FAM184B: variants seen among roughly 807,000 people sequenced by gnomAD.
The protein encoded by FAM184B is family with sequence similarity 184 member B, also known as protein FAM184B.
In FAM184B, 111 loss-of-function variants were observed where a neutral mutation model predicts 135.9. The observed-to-expected ratio is 0.82, with a 90% CI of 0.70 to 0.96. FAM184B has a LOEUF of 0.96. Among genes scored for constraint, FAM184B ranks in the 40% least tolerant of loss-of-function variants. The probability of loss-of-function intolerance (pLI) is 0.00; values close to 1 mark genes in which losing one functional copy is unlikely to be tolerated. For synonymous variants in FAM184B, 552 were observed against 524.8 expected, an observed-to-expected ratio of 1.05 and a Z score of -0.71; for missense variants, 1,375 against 1,323.9, an observed-to-expected ratio of 1.04 and a Z score of -0.60.
chr4:17,674,834 T>A (rs1390051963), intron 7 of FAM184B, among the ~76,000 whole-genome samples: 1 of 152,206 alleles, frequency 6.6e-6, no homozygotes, highest in Non-Finnish European at 1.5e-5. Context: ...TCCATTGAAG[T>A]TCTATCATGA....
At chr4:17,643,754 G>C (rs529500802) in intron 12 of FAM184B, among the ~76,000 whole-genome samples, 2 of 152,278 alleles carry the variant, frequency 1.3e-5, no homozygotes, top group East Asian at 1.9e-4. Context: ...CATGTCCCCC[G>C]GTCCTTCAGC....
rs370230362 is a variant in FAM184B, at chr4:17,631,585, C to T, written c.*947G>A. 3 of 151,840 alleles carry T rather than the reference C, an allele frequency of 2.0e-5. No homozygotes were observed. The highest frequency in any genetic ancestry group is 2.0e-4 in the Admixed American group (3 of 15,274). 9.4% of individuals were successfully genotyped at this position (151,840 alleles called of 1,614,324 possible). A position where few individuals can be genotyped will look rare whatever the true frequency, so the allele number is the denominator to read the frequency against. ...TAGGATTGGTTATTTACAGAAAAAC[C>T]TTGTGGTACTTAATTCCAATTCATG... On this transcript the variant is annotated 3_prime_UTR_variant, in exon 18 of 18. Coordinates refer to ENST00000265018, the MANE Select transcript of FAM184B (RefSeq NM_015688.2).
chr4:17,653,935 A>AGGGGGGGGGGGGAGGGGGAGGGGGG (rs1715714222), intron 10 of FAM184B, among the ~76,000 whole-genome samples: 1 of 145,474 alleles, frequency 6.9e-6, no homozygotes, highest in Non-Finnish European at 1.5e-5. Flanking sequence ...GGGGAGGGGG[A>AGGGGGGGGGGGGAGGGGGAGGGGGG]TTTGAAGCTG....
intron 6 of FAM184B, among the ~76,000 whole-genome samples, chr4:17,690,696 A>C (rs10939749): frequency 0.6 from 90,915 of 152,042 alleles, 27,792 homozygotes; most frequent in East Asian, 0.87. Context: ...GGTTTATGAA[A>C]TATTCAGAGG....
intron 1 of FAM184B, among the ~76,000 whole-genome samples, chr4:17,754,486 G>A (rs905557051): frequency 4.6e-5 from 7 of 151,484 alleles, no homozygotes; most frequent in African/African-American, 1.7e-4. Context: ...GGGAGGCGGA[G>A]GTTGAAGTGA....
At position 17,652,795 on chromosome 4, in the gene FAM184B, G is replaced by T. The variant is rs1715660457; in HGVS notation, c.2191+35C>A. On this transcript the variant is annotated intron_variant, in intron 11 of 17. Coordinates refer to ENST00000265018, the MANE Select transcript of FAM184B (RefSeq NM_015688.2). ...TTTCTACATGCAGACCCTGCAGTTGGCCAGGCCCTCCTCAGTACACTATTG... is the reference window on the plus strand; with the variant it reads ...TTTCTACATGCAGACCCTGCAGTTGTCCAGGCCCTCCTCAGTACACTATTG... 4 of 1,528,666 alleles carry T rather than the reference G, an allele frequency of 2.6e-6. No homozygotes were observed. In the African/African-American group the frequency reaches 5.5e-5, roughly 21 times the overall value. The allele number at this position is 1,528,666 out of a possible 1,614,324, so 94.7% of individuals were successfully genotyped here. A position where few individuals can be genotyped will look rare whatever the true frequency, so the allele number is the denominator to read the frequency against.
At chr4:17,732,707 C>G (rs1490902570) in intron 1 of FAM184B, among the ~76,000 whole-genome samples, 2 of 151,932 alleles carry the variant, frequency 1.3e-5, no homozygotes, top group South Asian at 2.1e-4. Context: ...GCTTACCAAC[C>G]AAAAAAAGTC....
chr4:17,685,141 T>C (rs1716548611), intron 7 of FAM184B, among the ~76,000 whole-genome samples: 2 of 147,144 alleles, frequency 1.4e-5, no homozygotes. Context: ...CAAACCACCA[T>C]GGCACATGTT....
chr4:17,678,184 G>C (rs1716358630), intron 7 of FAM184B, among the ~76,000 whole-genome samples: 1 of 152,110 alleles, frequency 6.6e-6, no homozygotes, highest in African/African-American at 2.4e-5. Flanking sequence ...AATCAGACAA[G>C]AGAAAGAAAT....
In FAM184B at chr4:17,705,173, T is replaced by A; in HGVS notation, c.1204A>T (p.Met402Leu). The A allele has an allele frequency of 6.4e-7, 1 of 1,551,880 alleles. No homozygotes were observed. ...KKEASAETEY[M>L]KQQYEEDLRK... ...AGGTCTTCTTCATATTGTTGCTTCA[T>A]ATATTCTGTCTCAGCACTTGCCTCT... The change falls in exon 5 of 18, where the codon ATG becomes TTG. Residue 402 changes from methionine to leucine, a missense_variant. Physicochemically the swap from Met to Leu is conservative, Grantham distance 15. Transcript: ENST00000265018.
chr4:17,775,357 T>G (rs1178526573), intron 1 of FAM184B, among the ~76,000 whole-genome samples: 1 of 152,062 alleles, frequency 6.6e-6, no homozygotes, highest in South Asian at 2.1e-4. Flanking sequence ...AGCTAATTTT[T>G]TGTATTTTTA....
At chr4:17,744,551 A>G (rs145072476) in intron 1 of FAM184B, among the ~76,000 whole-genome samples, 1 of 151,150 alleles carries the variant, frequency 6.6e-6, no homozygotes, top group Non-Finnish European at 1.5e-5. Context: ...GCTGGTCTTC[A>G]TTCCGCAGAG....
intron 1 of FAM184B, among the ~76,000 whole-genome samples, chr4:17,727,500 G>A (rs946716992): frequency 2.6e-5 from 4 of 152,200 alleles, no homozygotes; most frequent in Non-Finnish European, 5.9e-5. Context: ...AGGTTTAATT[G>A]ACTCACAGTT....
chr4:17,755,554 A>G (rs971186616), intron 1 of FAM184B, among the ~76,000 whole-genome samples: 2 of 152,234 alleles, frequency 1.3e-5, no homozygotes, highest in African/African-American at 4.8e-5. Context: ...AATCCCATTA[A>G]TGGGTATATA....
intron 1 of FAM184B, among the ~76,000 whole-genome samples, chr4:17,752,710 C>T (rs918910709): frequency 1.3e-5 from 2 of 152,160 alleles, no homozygotes; most frequent in Non-Finnish European, 2.9e-5. Flanking sequence ...CACAAAGATA[C>T]TTCCTTCAAG....
chr4:17,750,602 CT>C (rs987763273), intron 1 of FAM184B, among the ~76,000 whole-genome samples: 1 of 152,158 alleles, frequency 6.6e-6, no homozygotes, highest in African/African-American at 2.4e-5. Flanking sequence ...AGAAGCTCCC[CT>C]AGGTTGTGAC....
intron 1 of FAM184B, among the ~76,000 whole-genome samples, chr4:17,725,070 C>T (rs1401064879): frequency 6.6e-6 from 1 of 152,148 alleles, no homozygotes; most frequent in Non-Finnish European, 1.5e-5. Flanking sequence ...AGCCTGCTGG[C>T]TTTGTGAGGC....
intron 1 of FAM184B, among the ~76,000 whole-genome samples, chr4:17,712,655 G>A (rs1210754952): frequency 6.6e-6 from 1 of 152,124 alleles, no homozygotes; most frequent in Non-Finnish European, 1.5e-5. Context: ...CAACATCAGG[G>A]ATCCTGGGGG....
chr4:17,694,589 T>C (rs1387254256), intron 5 of FAM184B, among the ~76,000 whole-genome samples: 1 of 152,144 alleles, frequency 6.6e-6, no homozygotes, highest in Admixed American at 6.6e-5. Flanking sequence ...GTGGAAATTG[T>C]GCAAGTATCT....
Sources: allele counts gnomAD v4.1 joint callset (sites outside exome capture counted in the v4.1 genomes callset), GRCh38; gene constraint gnomAD v4.1.1; transcripts MANE v1.5; gene names NCBI Gene and HGNC (gene_info 2026-07-23, HGNC 2026-07-21).